The following MAN2A1 variants were observed in gnomAD, a reference collection of about 807,000 sequenced individuals.
The protein encoded by MAN2A1 is alpha-mannosidase 2.
MAN2A1 carries 76 observed loss-of-function variants against 142.6 expected under a neutral mutation model. That is an observed-to-expected ratio of 0.53 (90% confidence interval 0.44 to 0.65). The LOEUF is 0.65. Ranked by LOEUF, MAN2A1 falls within the 30% of genes least tolerant of loss-of-function variation. The probability of loss-of-function intolerance (pLI) is 0.00; values close to 1 mark genes in which losing one functional copy is unlikely to be tolerated. For missense variants in MAN2A1, 1,311 were observed against 1,365.1 expected, an observed-to-expected ratio of 0.96 and a Z score of 0.62; for synonymous variants, 559 against 473.2, an observed-to-expected ratio of 1.18 and a Z score of -2.35.
chr5:109,809,799 C>A (rs750391158), intron 12 of MAN2A1, among the ~76,000 whole-genome samples: 2 of 152,090 alleles, frequency 1.3e-5, no homozygotes, highest in African/African-American at 4.8e-5. Flanking sequence ...CTCAGCTATT[C>A]AGGTAATTAT....
chr5:109,804,480 C>T (rs1754113496), intron 12 of MAN2A1, among the ~76,000 whole-genome samples: 1 of 151,864 alleles, frequency 6.6e-6, no homozygotes, highest in Non-Finnish European at 1.5e-5. Context: ...AGTTGGTTGG[C>T]TTGTGTGTTT....
intron 12 of MAN2A1, among the ~76,000 whole-genome samples, chr5:109,810,384 C>A (rs535532636): frequency 6.6e-6 from 1 of 152,222 alleles, no homozygotes; most frequent in East Asian, 1.9e-4. Context: ...CTGTTGTTCA[C>A]CTGGCTTTCT....
Position 109,847,696 on chromosome 5 carries a change from A to G in MAN2A1, c.2882A>G (p.Asp961Gly). The G allele has an allele frequency of 6.3e-7, 1 of 1,598,382 alleles. No individual in the cohort carries two copies. Among genetic ancestry groups the G allele is most frequent in the Non-Finnish European group, 8.5e-7 (1 of 1,172,658 alleles). Residue 961 changes from aspartate (D) to glycine (G), a missense_variant, in exon 19 of 22, where the codon GAT becomes GGT. Transcript: ENST00000261483. ...EVIMDRRLMQ[D>G]DNRGLEQGIQ... ...ATCATGGATCGAAGACTCATGCAAG[A>G]TGATAATCGTGGCCTTGAGCAAGGT... is the stretch of plus-strand genomic sequence containing the variant.
intron 4 of MAN2A1, among the ~76,000 whole-genome samples, chr5:109,751,874 C>T (rs987352001): frequency 1.3e-5 from 2 of 151,974 alleles, no homozygotes; most frequent in African/African-American, 4.8e-5. Flanking sequence ...AACTTCTCAT[C>T]ATTCCCTATT....
intron 1 of MAN2A1, among the ~76,000 whole-genome samples, chr5:109,710,507 GTAT>G (rs1751268530): frequency 6.7e-6 from 1 of 150,186 alleles, no homozygotes; most frequent in South Asian, 2.1e-4. Flanking sequence ...ATAAAATGTG[GTAT>G]TTTTTTTTTT....
At chr5:109,765,232 T>G (rs1395569227) in intron 5 of MAN2A1, among the ~76,000 whole-genome samples, 3 of 152,294 alleles carry the variant, frequency 2.0e-5, no homozygotes, top group Admixed American at 2.0e-4. Context: ...CTCTTTAGTT[T>G]CCTTTTATTT....
In MAN2A1 at chr5:109,775,035, A is replaced by G. The variant is rs546362759; in HGVS notation, c.1374+70A>G. 1.2e-5 allele frequency: 13 copies of G among 1,053,184 alleles called. No homozygotes were observed. In the East Asian group the frequency reaches 3.1e-4, roughly 25 times the overall value. 65.2% of individuals were successfully genotyped at this position (1,053,184 alleles called of 1,614,324 possible). On this transcript the variant is annotated intron_variant, in intron 8 of 21. Transcript: ENST00000261483. ...TATTATTAAATGAGACTATAAACAG[A>G]AATCCTTAGCTTCTTTGTCCTACAT...
At position 109,819,746 on chromosome 5, in the gene MAN2A1, T is replaced by C; in HGVS notation, c.2187T>C (p.His729=). 1 of 1,612,198 alleles carries C rather than the reference T, an allele frequency of 6.2e-7. No individual in the cohort carries two copies. Among genetic ancestry groups the C allele is most frequent in the Non-Finnish European group, 8.5e-7 (1 of 1,178,706 alleles). Residue 729 remains histidine, a synonymous_variant, in exon 14 of 22, where the codon CAT becomes CAC. Transcript: ENST00000261483. ...TGGAATCAGCAAGTTCAAATTCACATTTAGCTGATTATGTCTTGTATAAGA... is the reference window on the plus strand; with the variant it reads ...TGGAATCAGCAAGTTCAAATTCACACTTAGCTGATTATGTCTTGTATAAGA... ...KILESASSNS[H]LADYVLYKNK...
chr5:109,713,846 C>A, intron 2 of MAN2A1, 72 bp downstream of exon 2: 1 of 1,408,114 alleles, frequency 7.1e-7, no homozygotes. Context: ...GACCTGATGT[C>A]TGTTCTGACT....
intron 2 of MAN2A1, among the ~76,000 whole-genome samples, chr5:109,715,692 G>A (rs1159218710): frequency 6.6e-6 from 1 of 152,096 alleles, no homozygotes; most frequent in Non-Finnish European, 1.5e-5. Context: ...TAATATACAT[G>A]AGATTTACTA....
chr5:109,785,210 G>T (rs1753564936), intron 10 of MAN2A1, among the ~76,000 whole-genome samples: 1 of 152,088 alleles, frequency 6.6e-6, no homozygotes, highest in Admixed American at 6.6e-5. Context: ...AAATAACAGT[G>T]TGGAGACTGG....
intron 5 of MAN2A1, among the ~76,000 whole-genome samples, chr5:109,759,756 G>T (rs1039349679): frequency 1.3e-5 from 2 of 152,046 alleles, no homozygotes; most frequent in African/African-American, 4.8e-5. Context: ...ATTTTTGCCA[G>T]TGTTTGCTGT....
chr5:109,769,669 C>T (rs1429213904), intron 6 of MAN2A1, among the ~76,000 whole-genome samples: 1 of 152,120 alleles, frequency 6.6e-6, no homozygotes, highest in African/African-American at 2.4e-5. Context: ...GCTCATTTTC[C>T]ATATCTTATT....
At chr5:109,695,441 A>G (rs1750785890) in intron 1 of MAN2A1, among the ~76,000 whole-genome samples, 1 of 152,180 alleles carries the variant, frequency 6.6e-6, no homozygotes, top group Admixed American at 6.5e-5. Context: ...GCTTTTTGTG[A>G]TAACTGAAAA....
chr5:109,784,104 C>T (rs993273250), intron 9 of MAN2A1, among the ~76,000 whole-genome samples: 2 of 152,106 alleles, frequency 1.3e-5, no homozygotes, highest in Non-Finnish European at 2.9e-5. Context: ...GCCTTGGTCT[C>T]CCAAGATGCT....
intron 16 of MAN2A1, among the ~76,000 whole-genome samples, chr5:109,834,423 A>G (rs1446209963): frequency 3.7e-5 from 4 of 108,712 alleles, no homozygotes; most frequent in African/African-American, 1.8e-4. Context: ...GTTTCATAAC[A>G]TTAGTACTTT....
intron 1 of MAN2A1, among the ~76,000 whole-genome samples, chr5:109,693,035 T>C (rs1750716679): frequency 6.6e-6 from 1 of 152,182 alleles, no homozygotes; most frequent in East Asian, 1.9e-4. Flanking sequence ...TGTGGCCTGG[T>C]TCCTAACAGG....
chr5:109,751,451 A>C (rs766192933), intron 4 of MAN2A1, among the ~76,000 whole-genome samples: 23 of 152,126 alleles, frequency 1.5e-4, no homozygotes, highest in Non-Finnish European at 3.1e-4. Context: ...ATAGTGCTGC[A>C]ATAAACATGA....
At chr5:109,720,374 T>C (rs1751567111) in intron 3 of MAN2A1, among the ~76,000 whole-genome samples, 1 of 152,218 alleles carries the variant, frequency 6.6e-6, no homozygotes, top group South Asian at 2.1e-4. Flanking sequence ...TTAGGACTTT[T>C]TGCTTTTTTG....
Sources: allele counts gnomAD v4.1 joint callset (sites outside exome capture counted in the v4.1 genomes callset), GRCh38; gene constraint gnomAD v4.1.1; transcripts MANE v1.5; gene names NCBI Gene and HGNC (gene_info 2026-07-23, HGNC 2026-07-21).